ELMO1: variants seen among roughly 807,000 people sequenced by gnomAD.
ELMO1 encodes engulfment and cell motility protein 1.
ELMO1 carries 26 observed loss-of-function variants against 98.9 expected under a neutral mutation model. The ratio of observed to expected loss-of-function variants is 0.26; its 90% CI spans 0.19 to 0.36. The LOEUF is 0.36. Ranked by LOEUF, ELMO1 falls within the 10% of genes least tolerant of loss-of-function variation. The pLI is 1.00. For missense variants in ELMO1, 627 were observed against 935.2 expected (o/e 0.67, Z 4.30); for synonymous variants, 346 against 346.0 (o/e 1.00, Z 0.00).
chr7:37,362,911 G>A (rs917308867), intron 1 of ELMO1, among the ~76,000 whole-genome samples: 2 of 152,234 alleles, frequency 1.3e-5, no homozygotes, highest in African/African-American at 4.8e-5. Context: ...AGAGGCACTG[G>A]AGAGCCAGGT....
intron 1 of ELMO1, among the ~76,000 whole-genome samples, chr7:37,383,440 A>G (rs1288660846): frequency 6.6e-6 from 1 of 152,244 alleles, no homozygotes; most frequent in Non-Finnish European, 1.5e-5. Flanking sequence ...GGTTTGTCCC[A>G]TTAACAGAGA....
At chr7:37,424,116 C>A (rs1394977927) in intron 1 of ELMO1, among the ~76,000 whole-genome samples, 4 of 152,194 alleles carry the variant, frequency 2.6e-5, no homozygotes, top group African/African-American at 9.7e-5. Context: ...CAGGTGCATG[C>A]CACCAACAGA....
At chr7:37,136,327 A>C (rs991792364) in intron 13 of ELMO1, among the ~76,000 whole-genome samples, 10 of 152,342 alleles carry the variant, frequency 6.6e-5, no homozygotes, top group Admixed American at 5.9e-4. Flanking sequence ...AAACTCCCTC[A>C]ATTACCTTGC....
At chr7:37,062,927 T>C (rs1796745348) in intron 15 of ELMO1, among the ~76,000 whole-genome samples, 1 of 152,182 alleles carries the variant, frequency 6.6e-6, no homozygotes, top group African/African-American at 2.4e-5. Context: ...TCAACTGGTA[T>C]GACCTGACCA....
At chr7:37,282,016 G>A (rs1172863658) in intron 4 of ELMO1, among the ~76,000 whole-genome samples, 1 of 75,692 alleles carries the variant, frequency 1.3e-5, no homozygotes, top group Non-Finnish European at 2.5e-5. Flanking sequence ...CTAGCTCATC[G>A]ATTCAGCCTC....
intron 17 of ELMO1, among the ~76,000 whole-genome samples, chr7:36,892,805 C>T (rs1396664748): frequency 6.6e-6 from 1 of 152,174 alleles, no homozygotes; most frequent in East Asian, 1.9e-4. Flanking sequence ...CCTAACCACT[C>T]TTTGTGACTT....
chr7:36,890,725 T>G (rs911652455), intron 17 of ELMO1, among the ~76,000 whole-genome samples: 1 of 152,194 alleles, frequency 6.6e-6, no homozygotes, highest in Admixed American at 6.5e-5. Flanking sequence ...AAAACTTGCT[T>G]TCTTAGTGTC....
At chr7:37,297,212 T>G (rs1255037662) in intron 4 of ELMO1, among the ~76,000 whole-genome samples, 3 of 152,248 alleles carry the variant, frequency 2.0e-5, no homozygotes, top group Non-Finnish European at 4.4e-5. Flanking sequence ...TTACGCTGAT[T>G]GTTTTATTCA....
intron 13 of ELMO1, among the ~76,000 whole-genome samples, chr7:37,142,785 T>C (rs934846700): frequency 2.6e-5 from 4 of 152,018 alleles, no homozygotes; most frequent in Non-Finnish European, 5.9e-5. Context: ...GCTATATGAG[T>C]TTCAAAAATA....
rs148755419 is a variant in ELMO1, at chr7:37,131,374, C to T, written c.1191+1756G>A. ...TGATCAAATATAAAGTTTTGTCAGG[C>T]TGCCATGGTATTCATTTCACTTACA... On this transcript the variant is annotated intron_variant, in intron 14 of 21. Coordinates refer to ENST00000310758, the MANE Select transcript of ELMO1 (RefSeq NM_014800.11). 5.5e-3 allele frequency among the ~76,000 whole-genome samples: 838 copies of T among 152,308 alleles called. 4 individuals are homozygous for T. Among genetic ancestry groups the T allele is most frequent in the Middle Eastern group, 0.027 (8 of 294 alleles).
chr7:37,276,514 G>C (rs185041103), intron 4 of ELMO1, among the ~76,000 whole-genome samples: 7,964 of 152,246 alleles, frequency 0.052, 276 homozygotes, highest in African/African-American at 0.076. Flanking sequence ...GGGAGGCTGA[G>C]GCAGGAGAAT....
chr7:37,342,599 G>C lies in ELMO1; in HGVS notation c.78+14C>G. ...AAACTGAAAATAGACACCCAATGCT[G>C]TCACGTTACTAACCTGATCAATTTC... is the stretch of plus-strand genomic sequence containing the variant. On this transcript the variant is annotated intron_variant, in intron 2 of 21. Coordinates refer to ENST00000310758, the MANE Select transcript of ELMO1 (RefSeq NM_014800.11). The surrounding 1 kb of genome is among the most constrained non-coding windows in gnomAD (Gnocchi z 4.3). 1 of 1,613,424 alleles carries C rather than the reference G, an allele frequency of 6.2e-7. No homozygotes were observed. Among genetic ancestry groups the C allele is most frequent in the Non-Finnish European group, 8.5e-7 (1 of 1,179,358 alleles).
intron 15 of ELMO1, among the ~76,000 whole-genome samples, chr7:37,042,679 C>T (rs747147868): frequency 1.3e-5 from 2 of 152,284 alleles, no homozygotes. Flanking sequence ...CTGAGAACAT[C>T]GTTCTTTATG....
At position 36,879,808 on chromosome 7, in the gene ELMO1, T is replaced by C. The variant is rs934961120; in HGVS notation, c.1715-1691A>G. Reference sequence around the variant, plus strand: ...ATTGCTAAATTTCAAAATTATGCTATGTATATACCAAACATGGGTCATTTT... The same window carrying C: ...ATTGCTAAATTTCAAAATTATGCTACGTATATACCAAACATGGGTCATTTT... On this transcript the variant is annotated intron_variant, in intron 18 of 21. Transcript: ENST00000310758. Among the ~76,000 whole-genome samples, 44 of 152,236 alleles carry C rather than the reference T, an allele frequency of 2.9e-4. 1 individual carries two copies. Among genetic ancestry groups the C allele is most frequent in the African/African-American group, 1.0e-3 (43 of 41,466 alleles).
chr7:36,876,594 GCTGGGAATGGGGT>G (rs1804008619), intron 19 of ELMO1, among the ~76,000 whole-genome samples: 2 of 152,156 alleles, frequency 1.3e-5, no homozygotes, highest in Admixed American at 1.3e-4. Flanking sequence ...ATTTAGCAGG[GCTGGGAATGGGGT>G]CTGAGAATGT....
intron 1 of ELMO1, among the ~76,000 whole-genome samples, chr7:37,343,424 G>C (rs987602151): frequency 6.6e-6 from 1 of 151,378 alleles, no homozygotes; most frequent in African/African-American, 2.4e-5. Context: ...TGAATGAATC[G>C]TGCTTCTTAC....
In ELMO1 at chr7:37,437,949, C is replaced by T. The variant is rs1160026402; in HGVS notation, c.-74+10726G>A. Among the ~76,000 whole-genome samples, 2 of 9,674 alleles carry T rather than the reference C, an allele frequency of 2.1e-4. 1 individual carries two copies. Among genetic ancestry groups the T allele is most frequent in the African/African-American group, 5.6e-4 (2 of 3,544 alleles). The allele number at this position is 9,674 out of a possible 152,430, so 6.3% of individuals were successfully genotyped here. A position where few individuals can be genotyped will look rare whatever the true frequency, so the allele number is the denominator to read the frequency against. Reference sequence around the variant, plus strand: ...GATTGCGCCACTGCAGTCCGCAGTCCGGCCTGGGCGACAGAGCGAGACTCC... The same window carrying T: ...GATTGCGCCACTGCAGTCCGCAGTCTGGCCTGGGCGACAGAGCGAGACTCC... On this transcript the variant is annotated intron_variant, in intron 1 of 21. Transcript: ENST00000310758.
At chr7:37,357,804 A>G (rs1801548264) in intron 1 of ELMO1, among the ~76,000 whole-genome samples, 1 of 152,264 alleles carries the variant, frequency 6.6e-6, no homozygotes, top group Non-Finnish European at 1.5e-5. Flanking sequence ...TGCTATCAGC[A>G]TGGCCATACG....
chr7:37,231,897 G>T (rs1489688212), intron 8 of ELMO1, among the ~76,000 whole-genome samples: 1 of 152,124 alleles, frequency 6.6e-6, no homozygotes, highest in Non-Finnish European at 1.5e-5. Flanking sequence ...CCGTCACCCA[G>T]ACTGGAGTGT....
Sources: gnomAD v4.1 joint callset for allele counts (sites outside exome capture counted in the v4.1 genomes callset) on GRCh38, gnomAD v4.1.1 for gene constraint, Gnocchi (gnomAD v3.1) non-coding constraint, MANE v1.5 for transcripts, NCBI Gene and HGNC (gene_info 2026-07-23, HGNC 2026-07-21) for gene names.